Variants in RRP1B observed in about 807,000 individuals in gnomAD.
RRP1B encodes ribosomal RNA processing 1B.
A neutral mutation model predicts 80.2 loss-of-function variants in RRP1B; 56 were observed. The observed-to-expected ratio is 0.70, with a 90% CI of 0.56 to 0.87. RRP1B has a LOEUF of 0.87. Among genes scored for constraint, RRP1B ranks in the 40% least tolerant of loss-of-function variants. The probability of loss-of-function intolerance (pLI) is 0.00; values close to 1 mark genes in which losing one functional copy is unlikely to be tolerated. For missense variants in RRP1B, 807 were observed against 939.8 expected, an observed-to-expected ratio of 0.86 and a Z score of 1.85; for synonymous variants, 351 against 357.6, an observed-to-expected ratio of 0.98 and a Z score of 0.21.
At chr21:43,673,832 G>C (rs977600185) in intron 3 of RRP1B, 38 bp from the exon 4 acceptor site, 2 of 1,402,302 alleles carry the variant, frequency 1.4e-6, no homozygotes, top group Non-Finnish European at 2.0e-6. Context: ...GTATGTTGAT[G>C]TGGAAGCCAA....
At position 43,659,609 on chromosome 21, in the gene RRP1B, C is replaced by G. The variant is rs1568951419; in HGVS notation, c.-56C>G. On this transcript the variant is annotated 5_prime_UTR_variant, in exon 1 of 16. Transcript: ENST00000340648. This position sits in a 1 kb window ranked among gnomAD's most constrained non-coding sequence, Gnocchi z 4.2. Reference sequence around the variant, plus strand: ...CGGTGGCTGGCTGCTCCGCAGCGCTCGGCTGGCTGCAGCGGCACCGCGGGT... The same window carrying G: ...CGGTGGCTGGCTGCTCCGCAGCGCTGGGCTGGCTGCAGCGGCACCGCGGGT... 1.5e-6 allele frequency: 2 copies of G among 1,378,658 alleles called. No homozygotes were observed. Among genetic ancestry groups the G allele is most frequent in the Non-Finnish European group, 1.9e-6 (2 of 1,066,264 alleles). The allele number at this position is 1,378,658 out of a possible 1,614,324, so 85.4% of individuals were successfully genotyped here.
In RRP1B at chr21:43,674,752, GAGTGT is replaced by G. The variant is rs971232990; in HGVS notation, c.419+56_419+60del. ...TAGCCTTAAAACTTAAAAGGTAGTA[GAGTGT>G]CAAGTTTTCTGAACTTGTAGAGTAC... On this transcript the variant is annotated intron_variant, in intron 5 of 15. Coordinates refer to ENST00000340648, the MANE Select transcript of RRP1B (RefSeq NM_015056.3). 1.8e-4 allele frequency: 262 copies of G among 1,455,326 alleles called. 4 individuals are homozygous for G. In the South Asian group the frequency reaches 3.0e-3, roughly 16 times the overall value. 90.2% of individuals were successfully genotyped at this position (1,455,326 alleles called of 1,614,324 possible). A position where few individuals can be genotyped will look rare whatever the true frequency, so the allele number is the denominator to read the frequency against.
intron 10 of RRP1B, among the ~76,000 whole-genome samples, chr21:43,684,858 C>T (rs187132011): frequency 1.2e-3 from 187 of 152,262 alleles, no homozygotes; most frequent in African/African-American, 4.4e-3. Flanking sequence ...TCTTCCAGTG[C>T]AGCCATACTC....
intron 8 of RRP1B, 44 bp downstream of exon 8, chr21:43,676,958 A>G (rs760826734): frequency 3.2e-6 from 5 of 1,580,076 alleles, no homozygotes; most frequent in South Asian, 2.3e-5. Context: ...TTCTGCTAAA[A>G]TCCTCCTCAG....
At chr21:43,687,471 C>G in intron 12 of RRP1B, 45 bp from the exon 13 acceptor site, 1 of 1,459,696 alleles carries the variant, frequency 6.9e-7, no homozygotes, top group Non-Finnish European at 9.0e-7. Flanking sequence ...AGGACTCTGG[C>G]CCAGCTGGCA....
chr21:43,674,972 CTT>C, intron 5 of RRP1B, 60 bp from the exon 6 acceptor site: 1 of 1,593,028 alleles, frequency 6.3e-7, no homozygotes, highest in South Asian at 1.1e-5. Context: ...TTTTGTTTCT[CTT>C]TGGGAAGTGG....
chr21:43,692,221 G>A (rs1171472638), intron 15 of RRP1B, among the ~76,000 whole-genome samples: 1 of 152,212 alleles, frequency 6.6e-6, no homozygotes, highest in Non-Finnish European at 1.5e-5. Flanking sequence ...CTTCTTGGGC[G>A]ACAGAGAAGG....
chr21:43,669,633 G>A (rs762112169), intron 1 of RRP1B, among the ~76,000 whole-genome samples: 1 of 152,194 alleles, frequency 6.6e-6, no homozygotes, highest in Non-Finnish European at 1.5e-5. Context: ...ATTTTGTGTT[G>A]TGATGACATT....
In RRP1B at chr21:43,659,661, C is replaced by G; in HGVS notation, c.-4C>G. 1 of 1,501,608 alleles carries G rather than the reference C, an allele frequency of 6.7e-7. No homozygotes were observed. Among genetic ancestry groups the G allele is most frequent in the South Asian group, 1.3e-5 (1 of 79,016 alleles). The allele number at this position is 1,501,608 out of a possible 1,614,324, so 93.0% of individuals were successfully genotyped here. On this transcript the variant is annotated 5_prime_UTR_variant, in exon 1 of 16. Transcript: ENST00000340648. This position sits in a 1 kb window ranked among gnomAD's most constrained non-coding sequence, Gnocchi z 4.2. ...GCGCGGCCGGGGATGCTCCAGCGGGCGCGATGGCCCCCGCCATGCAGCCGG... is the reference window on the plus strand; with the variant it reads ...GCGCGGCCGGGGATGCTCCAGCGGGGGCGATGGCCCCCGCCATGCAGCCGG...
intron 10 of RRP1B, among the ~76,000 whole-genome samples, chr21:43,685,449 G>A (rs894625459): frequency 6.6e-6 from 1 of 152,220 alleles, no homozygotes; most frequent in African/African-American, 2.4e-5. Context: ...AGCTATTTCT[G>A]CCTTCAGAAA....
intron 2 of RRP1B, among the ~76,000 whole-genome samples, chr21:43,671,029 T>C (rs2082997317): frequency 6.6e-6 from 1 of 152,178 alleles, no homozygotes. Flanking sequence ...AGAAAACCAA[T>C]GGACAGAAAT....
chr21:43,662,809 A>G (rs2082963107), intron 1 of RRP1B, among the ~76,000 whole-genome samples: 1 of 152,208 alleles, frequency 6.6e-6, no homozygotes, highest in South Asian at 2.1e-4. Flanking sequence ...ACTATTATGT[A>G]CGCTATTCTT....
chr21:43,673,439 GC>G (rs1296170452), intron 3 of RRP1B, among the ~76,000 whole-genome samples: 2 of 152,100 alleles, frequency 1.3e-5, no homozygotes, highest in Non-Finnish European at 2.9e-5. Flanking sequence ...TTTGAGACCA[GC>G]CTGGCCAACA....
intron 1 of RRP1B, among the ~76,000 whole-genome samples, chr21:43,663,135 A>C (rs1457589053): frequency 6.6e-6 from 1 of 152,196 alleles, no homozygotes. Flanking sequence ...CAAGTTTAAC[A>C]CTTTACCCCC....
Position 43,694,496 on chromosome 21 carries a change from G to C in RRP1B, c.*1113G>C, listed in dbSNP as rs2083099658. On this transcript the variant is annotated 3_prime_UTR_variant, in exon 16 of 16. Coordinates refer to ENST00000340648, the MANE Select transcript of RRP1B (RefSeq NM_015056.3). ...GTCTGACCTGGGCCTGAGAGCTGGA[G>C]AAGGTGCAGATTCAAAGTGAGCGGC... The C allele has an allele frequency of 6.6e-6, 1 of 152,268 alleles. No homozygotes were observed. Among genetic ancestry groups the C allele is most frequent in the Non-Finnish European group, 1.5e-5 (1 of 68,070 alleles). The allele number at this position is 152,268 out of a possible 1,614,324, so 9.4% of individuals were successfully genotyped here.
chr21:43,686,967 C>T (rs923943582), intron 12 of RRP1B, 32 bp downstream of exon 12: 1 of 1,607,126 alleles, frequency 6.2e-7, no homozygotes, highest in Admixed American at 1.7e-5. Flanking sequence ...AAGGGCACGA[C>T]TCAGCCCTTG....
rs1279697158 is a variant in RRP1B at position 43,674,684 on chromosome 21, G to C, written c.406G>C (p.Gly136Arg). 6.3e-7 allele frequency: 1 copy of C among 1,596,742 alleles called. No individual in the cohort carries two copies. Among genetic ancestry groups the C allele is most frequent in the African/African-American group, 1.4e-5 (1 of 72,328 alleles). ...GTCCTTTGAAGTCTTGAAGCGAAAT[G>C]GCTGGGAAGAAAGGTCAGTAAACCA... is the stretch of plus-strand genomic sequence containing the variant. The part of the protein sequence containing the change: ...RQSFEVLKRN[G>R]WEESRIKVFL... Residue 136 changes from glycine (G) to arginine (R), a missense_variant, in exon 5 of 16, where the codon GGC becomes CGC. Coordinates refer to ENST00000340648, the MANE Select transcript of RRP1B (RefSeq NM_015056.3).
chr21:43,692,854 T>C (rs952734688), intron 15 of RRP1B, among the ~76,000 whole-genome samples: 3 of 152,122 alleles, frequency 2.0e-5, no homozygotes, highest in African/African-American at 7.2e-5. Context: ...TAGCACAGAT[T>C]TGTCCCAGAC....
chr21:43,692,025 C>T (rs188011388), intron 15 of RRP1B, among the ~76,000 whole-genome samples: 185 of 152,216 alleles, frequency 1.2e-3, no homozygotes, highest in African/African-American at 3.7e-3. Context: ...AGTGGGGTGC[C>T]AGTGGTGAGT....
Sources: gnomAD v4.1 joint callset for allele counts (sites outside exome capture counted in the v4.1 genomes callset) on GRCh38, gnomAD v4.1.1 for gene constraint, Gnocchi (gnomAD v3.1) non-coding constraint, MANE v1.5 for transcripts, NCBI Gene and HGNC (gene_info 2026-07-23, HGNC 2026-07-21) for gene names.